Variants in ERBB4 observed in about 807,000 individuals in gnomAD.
The protein encoded by ERBB4 is erb-b2 receptor tyrosine kinase 4, also known as receptor tyrosine-protein kinase erbB-4.
Under a neutral mutation model 158.0 loss-of-function variants are expected in ERBB4, and 42 were observed. The observed-to-expected ratio is 0.27, with a 90% CI of 0.21 to 0.34. The LOEUF (loss-of-function observed/expected upper bound fraction) is 0.34, where lower values mean the gene tolerates loss of function less well. Ranked by LOEUF, ERBB4 falls within the 10% of genes least tolerant of loss-of-function variation. The pLI is 1.00. For missense variants in ERBB4, 1,333 were observed against 1,624.1 expected (o/e 0.82, Z 3.08); for synonymous variants, 583 against 558.7 (o/e 1.04, Z -0.61).
At chr2:212,172,800 A>T (rs1047927088) in intron 1 of ERBB4, among the ~76,000 whole-genome samples, 1 of 152,024 alleles carries the variant, frequency 6.6e-6, no homozygotes, top group Non-Finnish European at 1.5e-5. Flanking sequence ...TGGTGGGAAA[A>T]GGGAGGGGGT....
intron 1 of ERBB4, among the ~76,000 whole-genome samples, chr2:212,335,497 A>G (rs1005102298): frequency 6.6e-6 from 1 of 152,032 alleles, no homozygotes; most frequent in Non-Finnish European, 1.5e-5. Flanking sequence ...AGGAAGAGTG[A>G]AATAAAAATT....
At chr2:212,155,404 G>T (rs1559612915) in intron 1 of ERBB4, among the ~76,000 whole-genome samples, 1 of 151,912 alleles carries the variant, frequency 6.6e-6, no homozygotes, top group Non-Finnish European at 1.5e-5. Flanking sequence ...TATATTCTAA[G>T]CTTTTATTTC....
chr2:211,504,096 T>C (rs2065684377), intron 20 of ERBB4, among the ~76,000 whole-genome samples: 1 of 152,096 alleles, frequency 6.6e-6, no homozygotes, highest in Admixed American at 6.5e-5. Flanking sequence ...GCTAACATCA[T>C]TGTACAGTGC....
rs556339196 is a variant in ERBB4 at position 212,164,290 on chromosome 2, T to C, written c.83-39387A>G. Among the ~76,000 whole-genome samples the C allele has an allele frequency of 5.0e-3, 369 of 74,240 alleles. 1 individual carries two copies. Among genetic ancestry groups the C allele is most frequent in the African/African-American group, 0.017 (350 of 20,252 alleles). The allele number at this position is 74,240 out of a possible 152,430, so 48.7% of individuals were successfully genotyped here. On this transcript the variant is annotated intron_variant, in intron 1 of 27. Transcript: ENST00000342788. ...TATATCAGATTTCAAAGACGTATGA[T>C]ATTTTTAAAAAAACAACAAAATATA... is the stretch of plus-strand genomic sequence containing the variant.
intron 1 of ERBB4, among the ~76,000 whole-genome samples, chr2:212,402,955 A>G (rs527282265): frequency 1.3e-5 from 2 of 152,194 alleles, no homozygotes; most frequent in African/African-American, 4.8e-5. Context: ...CCCATATGCA[A>G]ATAAATGTCA....
intron 2 of ERBB4, among the ~76,000 whole-genome samples, chr2:212,106,064 G>A (rs1249935449): frequency 6.6e-6 from 1 of 152,108 alleles, no homozygotes; most frequent in African/African-American, 2.4e-5. Context: ...AGCATGAAAA[G>A]CAACTAATAC....
rs548952376 is a variant in ERBB4, at chr2:212,474,797, C to T, written c.82+63652G>A. On this transcript the variant is annotated intron_variant, in intron 1 of 27. Coordinates refer to ENST00000342788, the MANE Select transcript of ERBB4 (RefSeq NM_005235.3). The stretch of plus-strand genomic sequence containing the variant: ...TAAACTTGCCAAAACATAAACTAAT[C>T]ACCATTTCCTGACACCCGGCCATTC... Among the ~76,000 whole-genome samples, 5 of 149,326 alleles carry T rather than the reference C, an allele frequency of 3.3e-5. No homozygotes were observed. In the East Asian group the frequency reaches 5.8e-4, roughly 17 times the overall value.
intron 2 of ERBB4, among the ~76,000 whole-genome samples, chr2:212,082,659 A>T (rs1184564758): frequency 6.6e-6 from 1 of 152,038 alleles, no homozygotes. Flanking sequence ...GAAGGGAAAA[A>T]TATTTTTGAC....
chr2:212,147,120 A>T (rs1275735196), intron 1 of ERBB4, among the ~76,000 whole-genome samples: 15 of 127,044 alleles, frequency 1.2e-4, no homozygotes, highest in East Asian at 2.6e-4. Flanking sequence ...CCTCCTGAGT[A>T]GTGGGGTCTA....
In ERBB4 at chr2:211,679,321, G is replaced by A. The variant is rs998057546; in HGVS notation, c.1490-137C>T. 21 of 879,216 alleles carry A rather than the reference G, an allele frequency of 2.4e-5. 1 individual carries two copies. The highest frequency in any genetic ancestry group is 1.0e-4 in the African/African-American group (6 of 60,112). 54.5% of individuals were successfully genotyped at this position (879,216 alleles called of 1,614,324 possible). On this transcript the variant is annotated intron_variant, in intron 12 of 27. Coordinates refer to ENST00000342788, the MANE Select transcript of ERBB4 (RefSeq NM_005235.3). ...AATGACTTTGGTGGCCTATCCCATC[G>A]TCATGTCCCATCCTACCCACAACTT...
At chr2:212,441,166 G>A (rs2092246070) in intron 1 of ERBB4, among the ~76,000 whole-genome samples, 1 of 152,026 alleles carries the variant, frequency 6.6e-6, no homozygotes, top group Non-Finnish European at 1.5e-5. Context: ...GATGAAGCTG[G>A]GGATACTGAG....
chr2:211,503,231 G>A (rs569223089), intron 20 of ERBB4, among the ~76,000 whole-genome samples: 13 of 152,238 alleles, frequency 8.5e-5, no homozygotes, highest in African/African-American at 3.1e-4. Context: ...GAGCTGGGCA[G>A]CTGCAGCAAA....
intron 1 of ERBB4, among the ~76,000 whole-genome samples, chr2:212,128,507 G>A (rs1447042492): frequency 6.6e-6 from 1 of 152,166 alleles, no homozygotes; most frequent in Non-Finnish European, 1.5e-5. Flanking sequence ...ACACACCTTA[G>A]AGATGGCTGA....
chr2:211,511,956 A>G lies in ERBB4; in HGVS notation c.2487+49947T>C, dbSNP rs117222914. Reference sequence around the variant, plus strand: ...TAAATTCCCATGCTTCTGAAAATAAATCATGGAGACATTGTATACCAGAGG... The same window carrying G: ...TAAATTCCCATGCTTCTGAAAATAAGTCATGGAGACATTGTATACCAGAGG... On this transcript the variant is annotated intron_variant, in intron 20 of 27. Transcript: ENST00000342788. 3.0e-3 allele frequency among the ~76,000 whole-genome samples: 455 copies of G among 152,240 alleles called. 13 individuals are homozygous for G. The East Asian group carries it at 0.05, about 17-fold the overall frequency.
At chr2:211,603,129 G>T (rs1004057434) in intron 19 of ERBB4, among the ~76,000 whole-genome samples, 2 of 152,148 alleles carry the variant, frequency 1.3e-5, no homozygotes, top group Non-Finnish European at 2.9e-5. Context: ...TACTCGGGAG[G>T]CTGAGGCAGG....
intron 1 of ERBB4, among the ~76,000 whole-genome samples, chr2:212,328,575 C>G (rs2087975501): frequency 6.6e-6 from 1 of 151,956 alleles, no homozygotes; most frequent in Admixed American, 6.6e-5. Context: ...TCACCATTAA[C>G]AGAGGATTCA....
intron 2 of ERBB4, among the ~76,000 whole-genome samples, chr2:212,019,761 A>AG: frequency 6.7e-6 from 1 of 149,734 alleles, no homozygotes; most frequent in Non-Finnish European, 1.5e-5. Context: ...CATTCTGTAA[A>AG]AAAAAAAAAA....
At chr2:211,423,743 G>A (rs1230072951) in intron 23 of ERBB4, among the ~76,000 whole-genome samples, 3 of 151,812 alleles carry the variant, frequency 2.0e-5, no homozygotes, top group African/African-American at 7.3e-5. Context: ...AAAACTGTCA[G>A]TTTCAAGCTT....
intron 1 of ERBB4, among the ~76,000 whole-genome samples, chr2:212,521,699 T>C (rs1692180904): frequency 2.6e-5 from 4 of 151,992 alleles, no homozygotes; most frequent in Non-Finnish European, 5.9e-5. Context: ...AGGTTAACAT[T>C]AATATTCAAT....
Sources: gnomAD v4.1 joint callset for allele counts (sites outside exome capture counted in the v4.1 genomes callset) on GRCh38, gnomAD v4.1.1 for gene constraint, MANE v1.5 for transcripts, NCBI Gene and HGNC (gene_info 2026-07-23, HGNC 2026-07-21) for gene names.